The following LARGE1 variants were observed in gnomAD, a reference collection of about 807,000 sequenced individuals.
The protein encoded by LARGE1 is LARGE xylosyl- and glucuronyltransferase 1.
In LARGE1, 43 loss-of-function variants were observed where a neutral mutation model predicts 87.6. The ratio of observed to expected loss-of-function variants is 0.49; its 90% confidence interval spans 0.38 to 0.63. The LOEUF (loss-of-function observed/expected upper bound fraction) is 0.63, where lower values mean the gene tolerates loss of function less well. Ranked by LOEUF, LARGE1 falls within the 30% of genes least tolerant of loss-of-function variation. The pLI, the probability that LARGE1 is intolerant of heterozygous loss-of-function variation, is 0.00. For missense variants in LARGE1, 802 were observed against 1,000.2 expected, an observed-to-expected ratio of 0.80 and a Z score of 2.67; for synonymous variants, 434 against 394.6, an observed-to-expected ratio of 1.10 and a Z score of -1.18.
At chr22:33,133,973 T>C in the LARGE1 span, among the ~76,000 whole-genome samples, 2 of 152,132 alleles carry the variant, frequency 1.3e-5, no homozygotes, top group Non-Finnish European at 2.9e-5. Context: ...TAAGCATATT[T>C]AAGAAAAAAC....
downstream of LARGE1, among the ~76,000 whole-genome samples, chr22:33,161,250 G>C (rs1379202495): frequency 1.3e-5 from 2 of 152,084 alleles, no homozygotes; most frequent in East Asian, 3.9e-4. Flanking sequence ...TCCCTCCCAC[G>C]ACCCATGGGG....
intron 11 of LARGE1, among the ~76,000 whole-genome samples, chr22:33,176,692 C>T (rs1922890913): frequency 6.6e-6 from 1 of 152,166 alleles, no homozygotes; most frequent in Non-Finnish European, 1.5e-5. Flanking sequence ...AATAGGAATA[C>T]TTTTACACTG....
chr22:33,368,350 A>G (rs925987309), intron 9 of LARGE1, among the ~76,000 whole-genome samples: 3 of 152,114 alleles, frequency 2.0e-5, no homozygotes, highest in Admixed American at 6.6e-5. Context: ...CCTGGCCAAC[A>G]TGGCGAAACC....
intron 2 of LARGE1, among the ~76,000 whole-genome samples, chr22:33,754,729 C>A (rs1159741124): frequency 6.6e-6 from 1 of 152,158 alleles, no homozygotes; most frequent in African/African-American, 2.4e-5. Flanking sequence ...TTCTTATACT[C>A]CATAATATCC....
chr22:33,613,466 A>T (rs1569313097), intron 4 of LARGE1, among the ~76,000 whole-genome samples: 1 of 152,184 alleles, frequency 6.6e-6, no homozygotes, highest in Non-Finnish European at 1.5e-5. Context: ...ATCAAGAAGC[A>T]CCCAATTACA....
At chr22:33,418,072 C>T (rs2066564624) in intron 7 of LARGE1, among the ~76,000 whole-genome samples, 1 of 152,280 alleles carries the variant, frequency 6.6e-6, no homozygotes, top group African/African-American at 2.4e-5. Flanking sequence ...CTCAGCCTCT[C>T]AAGTAGCTGG....
At chr22:33,763,814 A>G (rs2084809756) in intron 1 of LARGE1, among the ~76,000 whole-genome samples, 1 of 148,304 alleles carries the variant, frequency 6.7e-6, no homozygotes, top group South Asian at 2.2e-4. Context: ...CCTGGAGGGC[A>G]GAAAAGCAGC....
At chr22:33,342,142 A>C (rs956027442) in intron 9 of LARGE1, among the ~76,000 whole-genome samples, 19 of 152,192 alleles carry the variant, frequency 1.2e-4, no homozygotes, top group African/African-American at 4.1e-4. Flanking sequence ...GCCATGCATT[A>C]AAATAATTGC....
chr22:33,742,077 T>C (rs1176252724), intron 2 of LARGE1, among the ~76,000 whole-genome samples: 2 of 152,196 alleles, frequency 1.3e-5, no homozygotes, highest in Non-Finnish European at 2.9e-5. Flanking sequence ...GGGTTCCTCT[T>C]TACAGGCTGA....
chr22:33,308,834 G>A (rs1935232858), intron 11 of LARGE1, among the ~76,000 whole-genome samples: 1 of 152,112 alleles, frequency 6.6e-6, no homozygotes, highest in Non-Finnish European at 1.5e-5. Flanking sequence ...TAAGACTCAG[G>A]GCAGTTTGTG....
intron 2 of LARGE1, chr22:33,725,877 A>C (rs239321): frequency 4.0e-5 from 6 of 151,836 alleles, no homozygotes; most frequent in Non-Finnish European, 8.8e-5. Context: ...TTTTCAGCCA[A>C]GGGCAATTTG....
chr22:33,539,856 A>G (rs1173703730), intron 6 of LARGE1, among the ~76,000 whole-genome samples: 1 of 152,104 alleles, frequency 6.6e-6, no homozygotes, highest in East Asian at 1.9e-4. Context: ...CTGGGATTAC[A>G]GGTGTGAGCC....
intron 10 of LARGE1, among the ~76,000 whole-genome samples, chr22:33,335,826 C>T (rs931792726): frequency 6.6e-6 from 1 of 152,200 alleles, no homozygotes; most frequent in Non-Finnish European, 1.5e-5. Context: ...CTAAACGTCA[C>T]CTCCTCATAG....
intron 6 of LARGE1, among the ~76,000 whole-genome samples, chr22:33,473,425 C>G (rs1407245458): frequency 6.6e-6 from 1 of 152,224 alleles, no homozygotes; most frequent in East Asian, 1.9e-4. Context: ...TCTCGGCTCA[C>G]TGCAACTTCT....
At position 33,389,629 on chromosome 22, in the gene LARGE1, G is replaced by A. The variant is rs145179898; in HGVS notation, c.893-5325C>T. 3.7e-3 allele frequency among the ~76,000 whole-genome samples: 559 copies of A among 152,356 alleles called. 5 individuals are homozygous for A. The highest frequency in any genetic ancestry group is 0.013 in the African/African-American group (541 of 41,574). On this transcript the variant is annotated intron_variant, in intron 7 of 14. Transcript: ENST00000397394. ...GGAGGCTGAGGCTGGCGGATCACCT[G>A]AGGTCAGGAGTTTGAGACCAGCCTG... is the stretch of plus-strand genomic sequence containing the variant.
chr22:33,473,647 G>A lies in LARGE1; in HGVS notation c.788-41382C>T, dbSNP rs920046388. 4.6e-5 allele frequency among the ~76,000 whole-genome samples: 7 copies of A among 152,168 alleles called. No individual in the cohort carries two copies. In the East Asian group the frequency reaches 7.7e-4, roughly 17 times the overall value. On this transcript the variant is annotated intron_variant, in intron 6 of 14. Transcript: ENST00000397394. ...TTTAGTAGAGGTGGGGTTTCACCAC[G>A]TTGGCTAGGCTGGTCTCGAACTCCT...
intron 2 of LARGE1, among the ~76,000 whole-genome samples, chr22:33,710,409 G>A (rs774741041): frequency 6.6e-6 from 1 of 152,210 alleles, no homozygotes; most frequent in Non-Finnish European, 1.5e-5. Flanking sequence ...CATGATCATG[G>A]TGATGAACCA....
At chr22:33,388,426 T>C (rs2065402696) in intron 7 of LARGE1, among the ~76,000 whole-genome samples, 1 of 152,226 alleles carries the variant, frequency 6.6e-6, no homozygotes, top group South Asian at 2.1e-4. Flanking sequence ...AGTCCACAGA[T>C]TCTAAATTTA....
chr22:33,825,591 G>C (rs1165332864), intron 1 of LARGE1, among the ~76,000 whole-genome samples: 1 of 152,132 alleles, frequency 6.6e-6, no homozygotes, highest in Non-Finnish European at 1.5e-5. Context: ...GATCTCGTGA[G>C]AACTCACTCA....
Sources: gnomAD v4.1 joint callset for allele counts (sites outside exome capture counted in the v4.1 genomes callset) on GRCh38, gnomAD v4.1.1 for gene constraint, MANE v1.5 for transcripts, NCBI Gene and HGNC (gene_info 2026-07-23, HGNC 2026-07-21) for gene names.